Variants in FAM193A observed in about 807,000 individuals in gnomAD.
The protein encoded by FAM193A is protein FAM193A.
FAM193A carries 22 observed loss-of-function variants against 126.5 expected under a neutral mutation model. The observed-to-expected ratio is 0.17, with a 90% CI of 0.12 to 0.25. The LOEUF (loss-of-function observed/expected upper bound fraction) is 0.25. Ranked by LOEUF, FAM193A falls within the 10% of genes least tolerant of loss-of-function variation. The pLI, the probability that FAM193A is intolerant of heterozygous loss-of-function variation, is 1.00. For missense variants in FAM193A, 1,675 were observed against 1,672.8 expected (o/e 1.00, Z -0.02); for synonymous variants, 761 against 646.8 (o/e 1.18, Z -2.68).
At chr4:2,652,262 A>G (rs1745744182) in intron 7 of FAM193A, among the ~76,000 whole-genome samples, 1 of 152,158 alleles carries the variant, frequency 6.6e-6, no homozygotes, top group Admixed American at 6.5e-5. Context: ...GGCCTATTGC[A>G]GAGAAGCTTT....
chr4:2,713,727 C>T (rs1719249374), intron 19 of FAM193A, among the ~76,000 whole-genome samples: 1 of 152,186 alleles, frequency 6.6e-6, no homozygotes, highest in Non-Finnish European at 1.5e-5. Flanking sequence ...CTCCCGCTTG[C>T]CTCTGCTGAG....
chr4:2,711,688 C>G (rs946850228), intron 19 of FAM193A, among the ~76,000 whole-genome samples: 25 of 151,660 alleles, frequency 1.6e-4, no homozygotes, highest in African/African-American at 6.1e-4. Context: ...ATGGCTCATG[C>G]CTGTAATCCC....
chr4:2,709,431 G>GGCAC (rs1718669292), intron 19 of FAM193A, among the ~76,000 whole-genome samples: 1 of 152,062 alleles, frequency 6.6e-6, no homozygotes, highest in Non-Finnish European at 1.5e-5. Context: ...TTTTTGGCTG[G>GGCAC]GCACGGTGGC....
At chr4:2,711,294 T>C (rs1023155810) in intron 19 of FAM193A, among the ~76,000 whole-genome samples, 6 of 152,252 alleles carry the variant, frequency 3.9e-5, no homozygotes, top group South Asian at 4.1e-4. Flanking sequence ...TTCTTAACAA[T>C]ATCCCATGGA....
At chr4:2,603,221 G>A (rs894451389) in intron 2 of FAM193A, among the ~76,000 whole-genome samples, 25 of 148,728 alleles carry the variant, frequency 1.7e-4, no homozygotes, top group African/African-American at 5.9e-4. Context: ...TCTCAGTCTC[G>A]TGACCTGCCC....
rs1265759880 is a variant in FAM193A, at chr4:2,700,263, A to G, written c.4091A>G (p.Gln1364Arg). Reference protein sequence around the residue: ...PTEPPKATEGQSKPRAQTESK... With the variant: ...PTEPPKATEGRSKPRAQTESK... ...GAGCCCCCCAAGGCCACAGAGGGGCAGTCCAAGCCCCGGGCCCAGACTGAG... is the reference window on the plus strand; with the variant it reads ...GAGCCCCCCAAGGCCACAGAGGGGCGGTCCAAGCCCCGGGCCCAGACTGAG... The change falls in exon 19 of 21, where the codon CAG becomes CGG. Residue 1364 changes from glutamine (Q) to arginine (R), a missense_variant. Around this residue, in one of 4 missense-constraint regions of FAM193A, gnomAD observed 415 missense variants for 396.7 expected, o/e 1.05. Coordinates refer to ENST00000637812, the MANE Select transcript of FAM193A (RefSeq NM_001366318.2). The G allele has an allele frequency of 1.2e-6, 2 of 1,614,088 alleles. No homozygotes were observed. The highest frequency in any genetic ancestry group is 4.5e-5 in the East Asian group (2 of 44,850).
intron 13 of FAM193A, among the ~76,000 whole-genome samples, chr4:2,689,117 G>A (rs1204287114): frequency 6.6e-6 from 1 of 152,234 alleles, no homozygotes; most frequent in Non-Finnish European, 1.5e-5. Context: ...ATTTTCATCA[G>A]TGATTCCAAA....
At position 2,689,574 on chromosome 4, in the gene FAM193A, C is replaced by A; in HGVS notation, c.2400C>A (p.Asp800Glu). Reference protein sequence around the residue: ...KHQVFNASLQDHIYPSCFGNT... With the variant: ...KHQVFNASLQEHIYPSCFGNT... ...AGGTATTCAATGCATCTCTTCAAGA[C>A]CATATTTATCCGAGCTGTTTTGGGA... Residue 800 changes from aspartate to glutamate, a missense_variant, in exon 14 of 21, where the codon GAC (aspartate) becomes GAA (glutamate). By Grantham distance (45) the Asp-to-Glu change is conservative (BLOSUM62 2). Around this residue, in one of 4 missense-constraint regions of FAM193A, gnomAD observed 1,186 missense variants for 1,109.2 expected, o/e 1.07. Coordinates refer to ENST00000637812, the MANE Select transcript of FAM193A (RefSeq NM_001366318.2). The A allele has an allele frequency of 6.5e-7, 1 of 1,549,798 alleles. No individual in the cohort carries two copies. Among genetic ancestry groups the A allele is most frequent in the East Asian group, 2.4e-5 (1 of 41,064 alleles).
At chr4:2,555,037 T>G (rs1477905714) in intron 1 of FAM193A, among the ~76,000 whole-genome samples, 1 of 152,232 alleles carries the variant, frequency 6.6e-6, no homozygotes, top group Non-Finnish European at 1.5e-5. Flanking sequence ...CATTTTTAAT[T>G]GTAATGTGTA....
chr4:2,558,345 T>A (rs1254759002), intron 1 of FAM193A, among the ~76,000 whole-genome samples: 1 of 151,932 alleles, frequency 6.6e-6, no homozygotes, highest in Non-Finnish European at 1.5e-5. Context: ...TACTTGGTAA[T>A]TATTTCACTT....
intron 2 of FAM193A, among the ~76,000 whole-genome samples, chr4:2,618,633 T>C (rs971844120): frequency 6.8e-6 from 1 of 146,542 alleles, no homozygotes; most frequent in African/African-American, 2.5e-5. Flanking sequence ...TTTGCTCTTG[T>C]TGCCCAGGCT....
chr4:2,677,557 C>T (rs751740980), intron 13 of FAM193A, among the ~76,000 whole-genome samples: 3 of 151,760 alleles, frequency 2.0e-5, no homozygotes, highest in Non-Finnish European at 4.4e-5. Context: ...TTGGCTAATA[C>T]AGTGAAACCC....
intron 6 of FAM193A, among the ~76,000 whole-genome samples, chr4:2,641,940 AAAAG>A (rs1325087345): frequency 6.6e-6 from 1 of 150,930 alleles, no homozygotes; most frequent in East Asian, 2.0e-4. Flanking sequence ...CATCTCTTAA[AAAAG>A]AAAAAAAAAG....
intron 2 of FAM193A, among the ~76,000 whole-genome samples, chr4:2,620,436 T>G (rs1201673059): frequency 6.6e-6 from 1 of 152,056 alleles, no homozygotes; most frequent in South Asian, 2.1e-4. Context: ...ACACCAGGAT[T>G]TCAGATAGCA....
At chr4:2,638,797 T>C (rs1489040561) in intron 5 of FAM193A, among the ~76,000 whole-genome samples, 1 of 152,226 alleles carries the variant, frequency 6.6e-6, no homozygotes, top group Non-Finnish European at 1.5e-5. Context: ...GTGAAATCTT[T>C]GTGTCGTTCA....
intron 6 of FAM193A, among the ~76,000 whole-genome samples, chr4:2,646,159 CTTTTTTTTTTTTTTTT>C (rs568447182): frequency 3.9e-4 from 27 of 69,124 alleles, no homozygotes; most frequent in African/African-American, 1.4e-3. Flanking sequence ...TGAGCATCTC[CTTTTTTTTTTTTTTTT>C]TTTTTTTTTT....
At chr4:2,579,387 A>G (rs1243659440) in intron 1 of FAM193A, among the ~76,000 whole-genome samples, 2 of 151,878 alleles carry the variant, frequency 1.3e-5, no homozygotes, top group Admixed American at 6.6e-5. Context: ...TAATCCTAGC[A>G]GTTACAAAGT....
intron 10 of FAM193A, among the ~76,000 whole-genome samples, chr4:2,662,267 T>G (rs1428405544): frequency 6.6e-6 from 1 of 152,238 alleles, no homozygotes; most frequent in Non-Finnish European, 1.5e-5. Flanking sequence ...AGCTGATATT[T>G]AATTACGATC....
At chr4:2,542,419 C>A (rs1162759839) in intron 1 of FAM193A, among the ~76,000 whole-genome samples, 1 of 152,228 alleles carries the variant, frequency 6.6e-6, no homozygotes, top group Non-Finnish European at 1.5e-5. Flanking sequence ...GCTGGAATTA[C>A]AGGCGTGAGC....
Sources: allele counts gnomAD v4.1 joint callset (sites outside exome capture counted in the v4.1 genomes callset), GRCh38; gene constraint gnomAD v4.1.1; regional missense constraint gnomAD v4.1.1; transcripts MANE v1.5; gene names NCBI Gene and HGNC (gene_info 2026-07-23, HGNC 2026-07-21).